GALNT14: variants seen among roughly 807,000 people sequenced by gnomAD.
GALNT14 encodes UDP-GalNAc:polypeptide N-acetylgalactosaminyltransferase 14.
A neutral mutation model predicts 77.5 loss-of-function variants in GALNT14; 60 were observed. The observed-to-expected ratio is 0.77, with a 90% CI of 0.63 to 0.96. The LOEUF is 0.96. Among genes scored for constraint, GALNT14 ranks in the 40% least tolerant of loss-of-function variants. The pLI is 0.00. For synonymous variants in GALNT14, 280 were observed against 281.7 expected, an observed-to-expected ratio of 0.99 and a Z score of 0.06; for missense variants, 710 against 731.0, an observed-to-expected ratio of 0.97 and a Z score of 0.33.
chr2:31,037,252 A>T (rs1341922943), intron 1 of GALNT14, among the ~76,000 whole-genome samples: 1 of 152,162 alleles, frequency 6.6e-6, no homozygotes, highest in Non-Finnish European at 1.5e-5. Context: ...TGTCAATTTA[A>T]ATCTGCTGTT....
intron 2 of GALNT14, among the ~76,000 whole-genome samples, chr2:30,974,032 C>T (rs540707288): frequency 1.3e-5 from 2 of 152,318 alleles, no homozygotes; most frequent in South Asian, 2.1e-4. Flanking sequence ...TGCCTACCTC[C>T]TTTAACCTCT....
chr2:31,115,710 G>T (rs939903642), intron 1 of GALNT14, among the ~76,000 whole-genome samples: 3 of 152,150 alleles, frequency 2.0e-5, no homozygotes, highest in Admixed American at 6.5e-5. Context: ...AGGCCCATCT[G>T]CCCACAGGGT....
intron 14 of GALNT14, among the ~76,000 whole-genome samples, chr2:30,911,416 C>CT (rs1042081026): frequency 6.6e-6 from 1 of 152,098 alleles, no homozygotes; most frequent in Non-Finnish European, 1.5e-5. Flanking sequence ...TGGGGAAGAG[C>CT]TGGGAGCAGC....
the GALNT14 span, among the ~76,000 whole-genome samples, chr2:30,887,309 C>T: frequency 6.6e-6 from 1 of 152,200 alleles, no homozygotes; most frequent in Non-Finnish European, 1.5e-5. Flanking sequence ...CTATTTTTCA[C>T]AGCAGCTGAC....
rs138204092 is a variant in GALNT14 at position 30,944,886 on chromosome 2, G to A, written c.799C>T (p.Arg267Trp). Reference protein sequence around the residue: ...WEQLSPEQKARRLDPTEPIRT... With the variant: ...WEQLSPEQKAWRLDPTEPIRT... ...ATGGGCTCCGTGGGGTCCAGGCGCC[G>A]AGCCTTCTGCTCTGGGGAGAGCTGC... is the stretch of plus-strand genomic sequence containing the variant. The change falls in exon 8 of 15, where the codon CGG becomes TGG. Residue 267 changes from arginine to tryptophan, a missense_variant. Arg to Trp is a moderately radical substitution (Grantham distance 101, BLOSUM62 -3). Transcript: ENST00000349752. The A allele has an allele frequency of 1.1e-5, 17 of 1,610,326 alleles. No homozygotes were observed. Among genetic ancestry groups the A allele is most frequent in the African/African-American group, 5.3e-5 (4 of 74,844 alleles).
At chr2:30,925,973 T>C (rs954399196) in intron 11 of GALNT14, among the ~76,000 whole-genome samples, 10 of 152,134 alleles carry the variant, frequency 6.6e-5, no homozygotes, top group African/African-American at 2.4e-4. Flanking sequence ...CCTCCACACC[T>C]CTCGGCACCC....
chr2:30,919,351 G>T (rs1171991883), intron 13 of GALNT14, among the ~76,000 whole-genome samples: 2 of 152,170 alleles, frequency 1.3e-5, no homozygotes, highest in Non-Finnish European at 2.9e-5. Flanking sequence ...GGAAGGGAAG[G>T]CAGGTGAGGA....
intron 1 of GALNT14, among the ~76,000 whole-genome samples, chr2:31,036,961 T>C (rs184737888): frequency 6.4e-4 from 97 of 152,342 alleles, no homozygotes; most frequent in African/African-American, 2.3e-3. Context: ...CGTGTCTAGG[T>C]GAAAATTTCC....
intron 13 of GALNT14, among the ~76,000 whole-genome samples, chr2:30,914,900 G>T (rs768929931): frequency 2.0e-5 from 3 of 152,170 alleles, no homozygotes; most frequent in Non-Finnish European, 4.4e-5. Context: ...GGGGAGGAGA[G>T]AGAAGGGCCA....
At chr2:30,975,119 C>A (rs139775130) in intron 2 of GALNT14, among the ~76,000 whole-genome samples, 9 of 152,076 alleles carry the variant, frequency 5.9e-5, no homozygotes, top group Non-Finnish European at 1.3e-4. Context: ...AGGGGGCTGG[C>A]GATAAGAAGC....
chr2:30,900,301 T>A, the GALNT14 span, among the ~76,000 whole-genome samples: 2 of 152,230 alleles, frequency 1.3e-5, no homozygotes, highest in African/African-American at 4.8e-5. Context: ...CTGATAGTTC[T>A]TTCCAGTTAG....
chr2:30,985,034 G>A (rs1194292424), intron 2 of GALNT14, among the ~76,000 whole-genome samples: 3 of 145,318 alleles, frequency 2.1e-5, no homozygotes, highest in Non-Finnish European at 4.5e-5. Flanking sequence ...CTCCCACTAG[G>A]CCATGAGCTC....
At chr2:31,099,883 C>G (rs1480797129) in intron 1 of GALNT14, among the ~76,000 whole-genome samples, 2 of 151,744 alleles carry the variant, frequency 1.3e-5, no homozygotes, top group Non-Finnish European at 2.9e-5. Context: ...TTTATTTGAA[C>G]TTTAAAACAA....
intron 3 of GALNT14, among the ~76,000 whole-genome samples, chr2:30,958,742 T>C (rs1391554543): frequency 1.3e-5 from 2 of 152,130 alleles, no homozygotes; most frequent in Non-Finnish European, 2.9e-5. Flanking sequence ...AGCAAATCAG[T>C]AAAGACTGGC....
At chr2:31,047,855 C>T (rs574411542) in intron 1 of GALNT14, among the ~76,000 whole-genome samples, 15 of 152,316 alleles carry the variant, frequency 9.8e-5, no homozygotes, top group African/African-American at 3.6e-4. Flanking sequence ...AGTCTTCTTC[C>T]CAGCCACAAC....
intron 1 of GALNT14, among the ~76,000 whole-genome samples, chr2:31,067,033 A>G (rs959971189): frequency 2.6e-5 from 4 of 152,102 alleles, no homozygotes; most frequent in Admixed American, 2.0e-4. Context: ...AGCCTTCCTC[A>G]GCCAAAAGTC....
At chr2:30,983,443 C>T (rs554297830) in intron 2 of GALNT14, among the ~76,000 whole-genome samples, 1 of 152,284 alleles carries the variant, frequency 6.6e-6, no homozygotes, top group Admixed American at 6.5e-5. Context: ...GAAAATGTCT[C>T]TACATCTCTT....
intron 13 of GALNT14, 144 bp downstream of exon 13, chr2:30,923,975 A>T: frequency 2.2e-6 from 2 of 897,630 alleles, no homozygotes; most frequent in Non-Finnish European, 3.6e-6. Context: ...GAGTGGGGGG[A>T]TCACACCTCT....
At chr2:31,092,479 G>A (rs1314557117) in intron 1 of GALNT14, among the ~76,000 whole-genome samples, 2 of 151,382 alleles carry the variant, frequency 1.3e-5, no homozygotes, top group African/African-American at 2.5e-5. Flanking sequence ...TACAGCAGAG[G>A]GATATAGACA....
Sources: gnomAD v4.1 joint callset for allele counts (sites outside exome capture counted in the v4.1 genomes callset) on GRCh38, gnomAD v4.1.1 for gene constraint, MANE v1.5 for transcripts, NCBI Gene and HGNC (gene_info 2026-07-23, HGNC 2026-07-21) for gene names.